LRRFIP1: variants seen among roughly 807,000 people sequenced by gnomAD.
LRRFIP1 encodes leucine-rich repeat flightless-interacting protein 1.
Under a neutral mutation model 104.4 loss-of-function variants are expected in LRRFIP1, and 62 were observed. The observed-to-expected ratio is 0.59, with a 90% CI of 0.48 to 0.73. LRRFIP1 has a LOEUF of 0.73. Among genes scored for constraint, LRRFIP1 ranks in the 30% least tolerant of loss-of-function variants. LRRFIP1 has a pLI of 0.00. For missense variants in LRRFIP1, 796 were observed against 824.5 expected (o/e 0.97, Z 0.42); for synonymous variants, 300 against 299.0 (o/e 1.00, Z -0.03).
rs1438072464 is a variant in LRRFIP1 at position 237,649,003 on chromosome 2, A to G, written c.96+21263A>G. 1.3e-5 allele frequency among the ~76,000 whole-genome samples: 2 copies of G among 151,950 alleles called. No homozygotes were observed. The highest frequency in any genetic ancestry group is 2.9e-5 in the Non-Finnish European group (2 of 67,944). On this transcript the variant is annotated intron_variant, in intron 1 of 23. Transcript: ENST00000308482. This position sits in a 1 kb window ranked among gnomAD's most constrained non-coding sequence, Gnocchi z 4.1. Reference sequence around the variant, plus strand: ...CCTTGAAGGAGTTCCAGAAACAGGCATGGCTGGTGTGAGAGGAGGCGTCCT... The same window carrying G: ...CCTTGAAGGAGTTCCAGAAACAGGCGTGGCTGGTGTGAGAGGAGGCGTCCT...
intron 11 of LRRFIP1, among the ~76,000 whole-genome samples, chr2:237,744,425 A>G (rs997049486): frequency 1.3e-5 from 2 of 152,160 alleles, no homozygotes; most frequent in Non-Finnish European, 2.9e-5. Context: ...CAGGTGCCAC[A>G]TATTCTTTCT....
At chr2:237,665,666 G>A (rs1038024925) in intron 1 of LRRFIP1, among the ~76,000 whole-genome samples, 1 of 152,206 alleles carries the variant, frequency 6.6e-6, no homozygotes, top group African/African-American at 2.4e-5. Context: ...GCGATATTGT[G>A]TTTATGTAGG....
intron 1 of LRRFIP1, among the ~76,000 whole-genome samples, chr2:237,646,099 CT>C (rs2084871112): frequency 6.6e-6 from 1 of 151,808 alleles, no homozygotes. Context: ...CATTTTACTT[CT>C]TTGTAAATTT....
intron 1 of LRRFIP1, among the ~76,000 whole-genome samples, chr2:237,635,718 G>A (rs1398666016): frequency 6.6e-6 from 1 of 151,940 alleles, no homozygotes; most frequent in Non-Finnish European, 1.5e-5. Flanking sequence ...CTAGCTATTT[G>A]GGAATCTGAG....
intron 19 of LRRFIP1, among the ~76,000 whole-genome samples, chr2:237,767,553 T>A (rs1280947139): frequency 1.3e-5 from 2 of 152,218 alleles, no homozygotes; most frequent in Non-Finnish European, 2.9e-5. Flanking sequence ...TTATACAAAG[T>A]TGGGACAGCA....
chr2:237,680,278 G>C (rs1342502120), intron 1 of LRRFIP1, among the ~76,000 whole-genome samples: 4 of 152,216 alleles, frequency 2.6e-5, no homozygotes, highest in Non-Finnish European at 4.4e-5. Flanking sequence ...GGTCGCTTGA[G>C]GCCAGGAGTT....
At chr2:237,667,733 T>C (rs1292683755) in intron 1 of LRRFIP1, among the ~76,000 whole-genome samples, 1 of 152,138 alleles carries the variant, frequency 6.6e-6, no homozygotes, top group Non-Finnish European at 1.5e-5. Context: ...GTGTGTGGCT[T>C]TCATAGTATT....
intron 19 of LRRFIP1, chr2:237,763,676 A>C (rs1424253788): frequency 6.2e-7 from 1 of 1,614,090 alleles, no homozygotes; most frequent in Non-Finnish European, 8.5e-7. Flanking sequence ...GTTGGATGGA[A>C]AACTTGACCA....
intron 11 of LRRFIP1, among the ~76,000 whole-genome samples, chr2:237,747,943 A>G (rs1357902107): frequency 6.6e-6 from 1 of 152,174 alleles, no homozygotes; most frequent in African/African-American, 2.4e-5. Context: ...AAAAAGGAGA[A>G]AAAAAGAAAC....
chr2:237,665,010 A>G (rs774020408), intron 1 of LRRFIP1, among the ~76,000 whole-genome samples: 1 of 152,254 alleles, frequency 6.6e-6, no homozygotes, highest in Non-Finnish European at 1.5e-5. Context: ...AGACCATTGC[A>G]CTGTGCTGAC....
Position 237,763,450 on chromosome 2 carries a change from A to G in LRRFIP1, c.1459+3245A>G, listed in dbSNP as rs200523811. Reference sequence around the variant, plus strand: ...ACAAGAAAAAGAAAAACAAGAAGAAAAAATCCCCAGTACCCGTAGAAACCC... The same window carrying G: ...ACAAGAAAAAGAAAAACAAGAAGAAGAAATCCCCAGTACCCGTAGAAACCC... On this transcript the variant is annotated intron_variant, in intron 19 of 23. Transcript: ENST00000308482. 68 of 1,613,568 alleles carry G rather than the reference A, an allele frequency of 4.2e-5. No homozygotes were observed. In the African/African-American group the frequency reaches 8.1e-4, roughly 19 times the overall value.
At chr2:237,679,024 A>G (rs145103686) in intron 1 of LRRFIP1, among the ~76,000 whole-genome samples, 265 of 152,312 alleles carry the variant, frequency 1.7e-3, no homozygotes, top group African/African-American at 6.0e-3. Context: ...GAAGACTCCC[A>G]CCAGGCACAG....
intron 1 of LRRFIP1, among the ~76,000 whole-genome samples, chr2:237,673,329 G>A (rs543691902): frequency 2.4e-4 from 36 of 152,208 alleles, no homozygotes; most frequent in African/African-American, 8.2e-4. Context: ...CCAGGGCCTC[G>A]CCAGGAAGCC....
At chr2:237,714,941 A>G (rs1309431526) in intron 3 of LRRFIP1, among the ~76,000 whole-genome samples, 3 of 152,258 alleles carry the variant, frequency 2.0e-5, no homozygotes, top group African/African-American at 7.2e-5. Context: ...ATTTGTATAC[A>G]CGGGAGTCTT....
At chr2:237,758,223 A>AGTGTGT (rs138141222) in intron 17 of LRRFIP1, among the ~76,000 whole-genome samples, 6,769 of 149,686 alleles carry the variant, frequency 0.045, 525 homozygotes, top group African/African-American at 0.15. Flanking sequence ...AGCACTTAGG[A>AGTGTGT]GTGTGTGTGT....
chr2:237,729,604 A>G (rs1340693726), intron 8 of LRRFIP1, among the ~76,000 whole-genome samples: 1 of 152,084 alleles, frequency 6.6e-6, no homozygotes, highest in Admixed American at 6.5e-5. Context: ...TCCAGTTGTT[A>G]AGAATCTCTG....
At chr2:237,635,313 G>A (rs960975219) in intron 1 of LRRFIP1, among the ~76,000 whole-genome samples, 1 of 152,130 alleles carries the variant, frequency 6.6e-6, no homozygotes, top group Non-Finnish European at 1.5e-5. Context: ...ATTGGAAAAA[G>A]TAATATACAG....
intron 7 of LRRFIP1, 50 bp from the exon 8 acceptor site, chr2:237,727,826 A>G: frequency 2.2e-6 from 3 of 1,387,112 alleles, no homozygotes; most frequent in Non-Finnish European, 3.0e-6. Flanking sequence ...TGTACCTGTG[A>G]ATTCATTTGT....
intron 1 of LRRFIP1, among the ~76,000 whole-genome samples, chr2:237,667,478 C>T (rs531733684): frequency 6.6e-6 from 1 of 152,254 alleles, no homozygotes; most frequent in East Asian, 1.9e-4. Flanking sequence ...TGGGTTGATT[C>T]CAAGTCTTTG....
Sources: gnomAD v4.1 joint callset for allele counts (sites outside exome capture counted in the v4.1 genomes callset) on GRCh38, gnomAD v4.1.1 for gene constraint, Gnocchi (gnomAD v3.1) non-coding constraint, MANE v1.5 for transcripts, NCBI Gene and HGNC (gene_info 2026-07-23, HGNC 2026-07-21) for gene names.